STAG2: variants seen among roughly 807,000 people sequenced by gnomAD.
STAG2 encodes cohesin subunit SA-2.
Under a neutral mutation model 108.1 loss-of-function variants are expected in STAG2, and 14 were observed. The ratio of observed to expected loss-of-function variants is 0.13; its 90% CI spans 0.09 to 0.20. The LOEUF (loss-of-function observed/expected upper bound fraction) is 0.20. Ranked by LOEUF, STAG2 falls within the 10% of genes least tolerant of loss-of-function variation. STAG2 has a pLI of 1.00. For missense variants in STAG2, 440 were observed against 940.9 expected (o/e 0.47, Z 6.96); for synonymous variants, 307 against 302.7 (o/e 1.01, Z -0.15).
chrX:124,058,848 G>T (rs1170161394), intron 15 of STAG2, among the ~76,000 whole-genome samples: 1 of 111,544 alleles, frequency 9.0e-6, no homozygotes, highest in East Asian at 2.8e-4. Context: ...TAGTGATCAG[G>T]CCTTTTAATT....
At chrX:124,093,300 AT>A (rs2059299147) in intron 32 of STAG2, among the ~76,000 whole-genome samples, 2 of 111,168 alleles carry the variant, frequency 1.8e-5, no homozygotes, top group Non-Finnish European at 3.8e-5. Flanking sequence ...AGTGTTCCTC[AT>A]TTCTTCCTGA....
intron 30 of STAG2, among the ~76,000 whole-genome samples, chrX:124,090,160 CAAAAAAAAAAAAAAAA>C (rs758142487): frequency 1.1e-4 from 3 of 28,405 alleles, no homozygotes; most frequent in Non-Finnish European, 1.7e-4. Context: ...GACTCTGTCT[CAAAAAAAAAAAAAAAA>C]AAAAAAAAAA....
intron 5 of STAG2, 56 bp downstream of exon 5, chrX:124,031,181 TATATAG>T: frequency 9.1e-7 from 1 of 1,100,674 alleles, no homozygotes; most frequent in African/African-American, 1.8e-5. Flanking sequence ...TTTAATGAGT[TATATAG>T]AGTGTAGCTC....
intron 1 of STAG2, among the ~76,000 whole-genome samples, chrX:123,965,261 T>C (rs2054044770): frequency 8.9e-6 from 1 of 112,137 alleles, no homozygotes; most frequent in Non-Finnish European, 1.9e-5. Flanking sequence ...GTAAGGATTG[T>C]GGCATCAGAT....
chrX:123,966,682 TTA>T (rs774404438), intron 1 of STAG2, among the ~76,000 whole-genome samples: 2 of 111,372 alleles, frequency 1.8e-5, no homozygotes, highest in South Asian at 7.5e-4. Context: ...TACCCAAATT[TTA>T]TATTTCTTCA....
intron 3 of STAG2, among the ~76,000 whole-genome samples, chrX:124,023,070 A>G (rs1057274979): frequency 2.3e-4 from 26 of 112,575 alleles, no homozygotes; most frequent in Middle Eastern, 4.6e-3. Context: ...TCAAATGATG[A>G]TTGCAGAAAT....
intron 1 of STAG2, among the ~76,000 whole-genome samples, chrX:124,008,346 TG>T (rs1209545171): frequency 2.7e-5 from 3 of 109,171 alleles, no homozygotes; most frequent in Non-Finnish European, 5.7e-5. Context: ...CCTGAGTTGC[TG>T]GGATTACAGG....
chrX:124,074,714 T>A (rs181970558), intron 25 of STAG2, among the ~76,000 whole-genome samples: 1 of 111,878 alleles, frequency 8.9e-6, no homozygotes, highest in African/African-American at 3.3e-5. Flanking sequence ...CTGACACTTA[T>A]GAAAGGCCCA....
intron 32 of STAG2, among the ~76,000 whole-genome samples, chrX:124,092,263 C>T (rs903684746): frequency 9.0e-6 from 1 of 111,560 alleles, no homozygotes. Context: ...CTCTATTACA[C>T]GTATAGATTC....
chrX:124,065,814 A>T (rs1362847531), intron 20 of STAG2, 62 bp from the exon 21 acceptor site: 13 of 772,948 alleles, frequency 1.7e-5, no homozygotes, highest in Non-Finnish European at 2.3e-5. Flanking sequence ...GGTAATAGTG[A>T]CATTTTGATA....
intron 30 of STAG2, among the ~76,000 whole-genome samples, chrX:124,087,849 A>G (rs2059144280): frequency 8.9e-6 from 1 of 112,315 alleles, no homozygotes; most frequent in Non-Finnish European, 1.9e-5. Context: ...CTTAGTGTTT[A>G]AAACTTGATT....
chrX:123,982,390 G>C (rs1376882996), intron 1 of STAG2, among the ~76,000 whole-genome samples: 1 of 110,860 alleles, frequency 9.0e-6, no homozygotes, highest in Non-Finnish European at 1.9e-5. Context: ...TTGAGATGGA[G>C]TCTTGCTCTG....
chrX:124,065,712 C>T (rs1031638040), intron 20 of STAG2, among the ~76,000 whole-genome samples, 164 bp from the exon 21 acceptor site: 18 of 111,643 alleles, frequency 1.6e-4, no homozygotes, highest in African/African-American at 5.9e-4. Context: ...TGACTTACTT[C>T]CCCAGCCATA....
At chrX:124,021,524 C>T (rs149933572) in intron 2 of STAG2, 93 bp downstream of exon 2, 2 of 112,142 alleles carry the variant, frequency 1.8e-5, no homozygotes, top group Non-Finnish European at 3.8e-5. Context: ...TTAGGAAATG[C>T]ATCCTTGACT....
chrX:124,029,008 TA>T (rs57487049), intron 4 of STAG2, among the ~76,000 whole-genome samples: 35 of 97,371 alleles, frequency 3.6e-4, no homozygotes, highest in African/African-American at 1.2e-3. Flanking sequence ...TATATATATA[TA>T]TATATTTATT....
At chrX:123,988,772 A>G (rs1002379870) in intron 1 of STAG2, among the ~76,000 whole-genome samples, 9 of 111,175 alleles carry the variant, frequency 8.1e-5, no homozygotes, top group African/African-American at 2.9e-4. Flanking sequence ...CCTCATTTAC[A>G]TTCTGATTTT....
chrX:123,968,905 T>C (rs1172130130), intron 1 of STAG2, among the ~76,000 whole-genome samples: 3 of 111,817 alleles, frequency 2.7e-5, no homozygotes, highest in Non-Finnish European at 5.6e-5. Flanking sequence ...AGAGAGTAAA[T>C]GCCTTGTCTC....
At chrX:124,009,939 T>A (rs941061972) in intron 1 of STAG2, among the ~76,000 whole-genome samples, 3 of 111,458 alleles carry the variant, frequency 2.7e-5, no homozygotes, top group African/African-American at 9.8e-5. Context: ...TCTCAAAATA[T>A]TCTGAGTGTA....
intron 10 of STAG2, among the ~76,000 whole-genome samples, chrX:124,049,848 A>T (rs771057733): frequency 1.6e-4 from 18 of 112,295 alleles, no homozygotes; most frequent in South Asian, 3.6e-4. Context: ...ACTTACCTGG[A>T]AATTACGCTC....
Sources: gnomAD v4.1 joint callset for allele counts (sites outside exome capture counted in the v4.1 genomes callset) on GRCh38, gnomAD v4.1.1 for gene constraint, MANE v1.5 for transcripts, NCBI Gene and HGNC (gene_info 2026-07-23, HGNC 2026-07-21) for gene names.